The following ZBTB20 variants were observed in gnomAD, a reference collection of about 807,000 sequenced individuals.
The protein encoded by ZBTB20 is zinc finger and BTB domain-containing protein 20.
ZBTB20 carries 9 observed loss-of-function variants against 56.9 expected under a neutral mutation model. That is an observed-to-expected ratio of 0.16 (90% confidence interval 0.10 to 0.28). The LOEUF (loss-of-function observed/expected upper bound fraction) is 0.28, where lower values mean the gene tolerates loss of function less well. ZBTB20 is among the 10% of genes least tolerant of loss of function. The pLI, the probability that ZBTB20 is intolerant of heterozygous loss-of-function variation, is 1.00. For synonymous variants in ZBTB20, 417 were observed against 420.7 expected, an observed-to-expected ratio of 0.99 and a Z score of 0.11; for missense variants, 655 against 1,003.0, an observed-to-expected ratio of 0.65 and a Z score of 4.69.
At chr3:114,387,639 G>C (rs1439433050) in intron 8 of ZBTB20, 1 of 152,174 alleles carries the variant, frequency 6.6e-6, no homozygotes, top group African/African-American at 2.4e-5. Flanking sequence ...AAACCCATCT[G>C]CATCATAGTA....
At chr3:114,501,241 C>G (rs2043918783) in intron 6 of ZBTB20, among the ~76,000 whole-genome samples, 1 of 152,164 alleles carries the variant, frequency 6.6e-6, no homozygotes, top group African/African-American at 2.4e-5. Context: ...ATGAAAATTT[C>G]AGATGAAATG....
Position 114,511,841 on chromosome 3 carries a change from A to G in ZBTB20, c.-294-11450T>C, listed in dbSNP as rs116309945. Among the ~76,000 whole-genome samples, 592 of 152,244 alleles carry G rather than the reference A, an allele frequency of 3.9e-3. 6 individuals carry two copies. The highest frequency in any genetic ancestry group is 0.013 in the African/African-American group (554 of 41,554). On this transcript the variant is annotated intron_variant, in intron 6 of 11. Coordinates refer to ENST00000675478, the MANE Select transcript of ZBTB20 (RefSeq NM_001348800.3). ...ATAAAACTAGCTCAATAGGCAAAAA[A>G]CAAAGGTCCAGTGAAGCACAGTTTA...
chr3:114,827,351 G>C (rs1380181904), intron 4 of ZBTB20, among the ~76,000 whole-genome samples: 1 of 151,656 alleles, frequency 6.6e-6, no homozygotes, highest in Admixed American at 6.6e-5. Context: ...TAAGCCAAAA[G>C]TCAGAGGCAT....
chr3:114,995,548 C>T (rs1328273600), intron 2 of ZBTB20, among the ~76,000 whole-genome samples: 2 of 151,912 alleles, frequency 1.3e-5, no homozygotes, highest in East Asian at 3.9e-4. Context: ...ATTTCATAAG[C>T]TTCACCCTAA....
chr3:114,731,853 TTTAGTAACTAATCCGGCTGTGCCTAGA>T (rs1226339350), intron 5 of ZBTB20, among the ~76,000 whole-genome samples: 11 of 142,104 alleles, frequency 7.7e-5, no homozygotes, highest in South Asian at 7.4e-4. Context: ...CTGTGCCTAG[TTTAGTAACTAATCCGGCTGTGCCTAGA>T]TTAGTAACTA....
chr3:114,605,832 A>G (rs1286301091), intron 6 of ZBTB20, among the ~76,000 whole-genome samples: 1 of 151,422 alleles, frequency 6.6e-6, no homozygotes, highest in Non-Finnish European at 1.5e-5. Context: ...AGGTAACAGA[A>G]AAAAAAAAGT....
chr3:115,051,148 AT>A (rs1257593055), intron 2 of ZBTB20, among the ~76,000 whole-genome samples: 4 of 152,126 alleles, frequency 2.6e-5, no homozygotes, highest in African/African-American at 4.8e-5. Context: ...TCATTCAGAC[AT>A]TTAGGTAATA....
intron 7 of ZBTB20, among the ~76,000 whole-genome samples, chr3:114,435,473 G>A: frequency 6.6e-6 from 1 of 152,102 alleles, no homozygotes. Flanking sequence ...CAGCTAGTAG[G>A]GACTAAGCTG....
intron 3 of ZBTB20, among the ~76,000 whole-genome samples, chr3:114,910,638 G>T (rs2075497197): frequency 6.6e-6 from 1 of 151,848 alleles, no homozygotes. Context: ...TATTTAATCT[G>T]TATATCAGCC....
chr3:114,419,936 G>A (rs1470883048), intron 7 of ZBTB20, among the ~76,000 whole-genome samples: 3 of 152,108 alleles, frequency 2.0e-5, no homozygotes, highest in African/African-American at 7.2e-5. Flanking sequence ...GGAACTGGGT[G>A]GGCATGGCCC....
intron 10 of ZBTB20, among the ~76,000 whole-genome samples, chr3:114,362,504 C>CT (rs1341001217): frequency 6.6e-6 from 1 of 152,178 alleles, no homozygotes; most frequent in Non-Finnish European, 1.5e-5. Context: ...CCTGACAGGG[C>CT]TTTTTTGCCC....
At chr3:114,885,277 C>T (rs2076557683) in intron 4 of ZBTB20, among the ~76,000 whole-genome samples, 1 of 152,180 alleles carries the variant, frequency 6.6e-6, no homozygotes, top group African/African-American at 2.4e-5. Context: ...TTAGAGATTG[C>T]ATTTCTTGTA....
rs1560209234 is a variant in ZBTB20, at chr3:114,753,325, C to CATTATATATAA, written c.-343+47775_-343+47776insTTATATATAAT. Reference sequence around the variant, plus strand: ...GTATATATAATGTATATATGTATACCTGTATATATAATGTATATATGTATA... The same window carrying CATTATATATAA: ...GTATATATAATGTATATATGTATACCATTATATATAATGTATATATAATGTATATATGTATA... On this transcript the variant is annotated intron_variant, in intron 5 of 11. Transcript: ENST00000675478. Among the ~76,000 whole-genome samples the CATTATATATAA allele has an allele frequency of 3.9e-4, 19 of 48,380 alleles. 1 individual carries two copies. Among genetic ancestry groups the CATTATATATAA allele is most frequent in the African/African-American group, 1.1e-3 (16 of 14,348 alleles). 31.7% of individuals were successfully genotyped at this position (48,380 alleles called of 152,430 possible). A position where few individuals can be genotyped will look rare whatever the true frequency, so the allele number is the denominator to read the frequency against.
intron 3 of ZBTB20, among the ~76,000 whole-genome samples, chr3:114,925,589 C>T (rs962745212): frequency 1.2e-4 from 18 of 151,990 alleles, no homozygotes; most frequent in South Asian, 2.1e-4. Flanking sequence ...TGCAGTGGCA[C>T]GATCTTGGTT....
intron 7 of ZBTB20, among the ~76,000 whole-genome samples, chr3:114,454,175 GGAGAGAGAGAGAGAGAGA>G (rs71146322): frequency 4.1e-4 from 48 of 116,692 alleles, no homozygotes; most frequent in Middle Eastern, 4.7e-3. Flanking sequence ...AAAAGAGAAG[GGAGAGAGAGAGAGAGAGA>G]GAGAGAGAGA....
intron 6 of ZBTB20, among the ~76,000 whole-genome samples, chr3:114,556,492 T>C (rs1408625048): frequency 6.6e-6 from 1 of 152,064 alleles, no homozygotes; most frequent in Non-Finnish European, 1.5e-5. Context: ...TACCAGTTGA[T>C]CTTCCCGTGG....
intron 2 of ZBTB20, among the ~76,000 whole-genome samples, chr3:115,064,700 C>A (rs1304103552): frequency 6.6e-6 from 1 of 152,080 alleles, no homozygotes; most frequent in Non-Finnish European, 1.5e-5. Context: ...CCACCTGCCT[C>A]AGCCTCCCAA....
At chr3:114,601,380 T>G (rs2107629917) in intron 6 of ZBTB20, among the ~76,000 whole-genome samples, 1 of 152,188 alleles carries the variant, frequency 6.6e-6, no homozygotes, top group East Asian at 1.9e-4. Flanking sequence ...TACATTATAT[T>G]TAATATTTTG....
chr3:114,350,802 G>A lies in ZBTB20; in HGVS notation c.1276C>T (p.Leu426=). 1 of 1,613,946 alleles carries A rather than the reference G, an allele frequency of 6.2e-7. No individual in the cohort carries two copies. Residue 426 remains leucine, a synonymous_variant, in exon 11 of 12, where the codon CTA becomes TTA. Transcript: ENST00000675478. ...PAEGGPQTNQ[L]ETGASSPERS... is the part of the protein sequence containing the mutation. ...TCCGGAGAGGAAGCACCTGTTTCTA[G>A]CTGGTTTGTCTGCGGACCACCCTCA...
Sources: allele counts gnomAD v4.1 joint callset (sites outside exome capture counted in the v4.1 genomes callset), GRCh38; gene constraint gnomAD v4.1.1; transcripts MANE v1.5; gene names NCBI Gene and HGNC (gene_info 2026-07-23, HGNC 2026-07-21).